The following MYH13 variants were observed in gnomAD, a reference collection of about 807,000 sequenced individuals.
The protein encoded by MYH13 is myosin heavy chain 13.
A neutral mutation model predicts 232.1 loss-of-function variants in MYH13; 177 were observed. The ratio of observed to expected loss-of-function variants is 0.76; its 90% CI spans 0.67 to 0.86. The LOEUF is 0.86. Among genes scored for constraint, MYH13 ranks in the 40% least tolerant of loss-of-function variants. The pLI is 0.00. For synonymous variants in MYH13, 884 were observed against 923.5 expected (o/e 0.96, Z 0.78); for missense variants, 2,246 against 2,405.9 (o/e 0.93, Z 1.39).
At chr17:10,335,518 C>G (rs1403585414) in intron 18 of MYH13, among the ~76,000 whole-genome samples, 1 of 152,080 alleles carries the variant, frequency 6.6e-6, no homozygotes, top group Non-Finnish European at 1.5e-5. Flanking sequence ...TTTGGGAGGC[C>G]GAGGTGGGCG....
chr17:10,320,512 G>C lies in MYH13; in HGVS notation c.3112-16C>G. The C allele has an allele frequency of 1.9e-6, 3 of 1,608,272 alleles. No homozygotes were observed. The highest frequency in any genetic ancestry group is 2.5e-6 in the Non-Finnish European group (3 of 1,177,566). On this transcript the variant is annotated splice_polypyrimidine_tract_variant and intron_variant, in intron 24 of 40. Coordinates refer to ENST00000252172, the MANE Select transcript of MYH13 (RefSeq NM_003802.3). Reference sequence around the variant, plus strand: ...AACCCTCAAGCTGAGAAGACACACAGGTAGAAAATTAAGCCCCTGCTGGGG... The same window carrying C: ...AACCCTCAAGCTGAGAAGACACACACGTAGAAAATTAAGCCCCTGCTGGGG...
intron 3 of MYH13, 35 bp from the exon 4 acceptor site, chr17:10,362,538 G>A (rs777048189): frequency 6.2e-7 from 1 of 1,613,674 alleles, no homozygotes; most frequent in Non-Finnish European, 8.5e-7. Flanking sequence ...TAATAAATTG[G>A]TGAGCCAAGT....
At chr17:10,343,496 G>C (rs2071635720) in intron 16 of MYH13, among the ~76,000 whole-genome samples, 1 of 152,108 alleles carries the variant, frequency 6.6e-6, no homozygotes, top group African/African-American at 2.4e-5. Flanking sequence ...CACCATGCCT[G>C]GCCAAAACCA....
chr17:10,346,334 G>A (rs554598049), intron 13 of MYH13, among the ~76,000 whole-genome samples: 3 of 152,228 alleles, frequency 2.0e-5, no homozygotes, highest in Admixed American at 1.3e-4. Flanking sequence ...ATATAAACTT[G>A]GGAGCTATGG....
chr17:10,315,919 G>A lies in MYH13; in HGVS notation c.3845C>T (p.Ala1282Val). The A allele has an allele frequency of 1.9e-6, 3 of 1,613,940 alleles. No individual in the cohort carries two copies. The highest frequency in any genetic ancestry group is 1.7e-5 in the Admixed American group (1 of 60,014). ...CTCACCATTTTGGGTCTGCAGTCTTGCTTTCTGCATGTTCAGATCATGGAT... is the reference window on the plus strand; with the variant it reads ...CTCACCATTTTGGGTCTGCAGTCTTACTTTCTGCATGTTCAGATCATGGAT... ...QLIHDLNMQKARLQTQNGELS... is the reference protein window; with the variant it reads ...QLIHDLNMQKVRLQTQNGELS... Residue 1282 changes from alanine to valine, a missense_variant, in exon 28 of 41, where the codon GCA (alanine) becomes GTA (valine). Physicochemically the swap from Ala to Val is moderately conservative, Grantham distance 64. Transcript: ENST00000252172.
rs750283118 is a variant in MYH13, at chr17:10,309,243, C to T, written c.5160G>A (p.Leu1720=). 6.2e-7 allele frequency: 1 copy of T among 1,613,178 alleles called. No individual in the cohort carries two copies. The highest frequency in any genetic ancestry group is 1.1e-5 in the South Asian group (1 of 91,038). Residue 1720 remains leucine (L), a synonymous_variant, in exon 35 of 41, where the codon CTG becomes CTA. Transcript: ENST00000252172. ...LLDASDRVQL[L]HSQNTSLINT... The stretch of plus-strand genomic sequence containing the variant: ...GTGAGGGCCGACGCACCTGGGAGTG[C>T]AGGAGCTGCACGCGGTCGCTGGCGT...
At chr17:10,346,951 C>A (rs2071671313) in intron 12 of MYH13, among the ~76,000 whole-genome samples, 153 bp from the exon 13 acceptor site, 1 of 152,194 alleles carries the variant, frequency 6.6e-6, no homozygotes, top group South Asian at 2.1e-4. Flanking sequence ...TTCACTGAAG[C>A]TTTAATCCCA....
rs923489488 is a variant in MYH13, at chr17:10,328,241, C to T, written c.2436-120G>A. ...TCGGTTAGGTGGGAAGGAGGTGCAG[C>T]CAAGCTTGGCAGATCCTCTGGATCC... On this transcript the variant is annotated intron_variant, in intron 21 of 40. Coordinates refer to ENST00000252172, the MANE Select transcript of MYH13 (RefSeq NM_003802.3). 9 of 1,155,830 alleles carry T rather than the reference C, an allele frequency of 7.8e-6. No homozygotes were observed. In the East Asian group the frequency reaches 1.7e-4, roughly 22 times the overall value. The allele number at this position is 1,155,830 out of a possible 1,614,324, so 71.6% of individuals were successfully genotyped here. A position where few individuals can be genotyped will look rare whatever the true frequency, so the allele number is the denominator to read the frequency against.
At chr17:10,319,928 A>G (rs1906870786) in intron 26 of MYH13, among the ~76,000 whole-genome samples, 1 of 152,174 alleles carries the variant, frequency 6.6e-6, no homozygotes, top group African/African-American at 2.4e-5. Flanking sequence ...TAACAATAAT[A>G]TTTAGCTTTA....
chr17:10,300,913 C>T lies in MYH13; in HGVS notation c.*38G>A. The stretch of plus-strand genomic sequence containing the variant: ...TTCTCACACATTTTCCCTCCACTCT[C>T]TCGGAGGTGTCCCATGGCAACGAGC... On this transcript the variant is annotated 3_prime_UTR_variant, in exon 41 of 41. Transcript: ENST00000252172. 2 of 1,607,426 alleles carry T rather than the reference C, an allele frequency of 1.2e-6. No homozygotes were observed. Among genetic ancestry groups the T allele is most frequent in the Non-Finnish European group, 1.7e-6 (2 of 1,175,890 alleles).
At chr17:10,340,719 A>G (rs1293830529) in intron 16 of MYH13, among the ~76,000 whole-genome samples, 3 of 151,870 alleles carry the variant, frequency 2.0e-5, no homozygotes, top group African/African-American at 7.3e-5. Flanking sequence ...AGATTTCACC[A>G]TGTTGGCCAG....
Position 10,320,377 on chromosome 17 carries a change from CT to C in MYH13, c.3230del (p.Lys1077SerfsTer4). On this transcript the variant is annotated frameshift_variant, in exon 25 of 41. Transcript: ENST00000252172. LOFTEE classifies it high-confidence loss of function. ...TTTTCAATTTCTCTTCTATTTGCTG[CT>C]TGTCATTTTCTAGATCCATAATGGA... ...QESIMDLEND[K>X]QQIEEKLKKK... The C allele has an allele frequency of 1.2e-6, 2 of 1,612,372 alleles. No individual in the cohort carries two copies. The highest frequency in any genetic ancestry group is 1.1e-5 in the South Asian group (1 of 90,666).
intron 27 of MYH13, among the ~76,000 whole-genome samples, chr17:10,316,561 C>A (rs1444026271): frequency 6.6e-6 from 1 of 152,138 alleles, no homozygotes; most frequent in East Asian, 1.9e-4. Context: ...TGTAAACAAC[C>A]CTTTGAGAAG....
At chr17:10,372,630 C>G (rs1396214184) in intron 1 of MYH13, among the ~76,000 whole-genome samples, 1 of 152,154 alleles carries the variant, frequency 6.6e-6, no homozygotes, top group African/African-American at 2.4e-5. Context: ...TAAGCAATCA[C>G]AGAAGAGATA....
At chr17:10,339,535 A>G (rs530510497) in intron 18 of MYH13, among the ~76,000 whole-genome samples, 90 of 152,320 alleles carry the variant, frequency 5.9e-4, no homozygotes, top group Non-Finnish European at 9.4e-4. Flanking sequence ...TATTTTGATT[A>G]TGGGATACCC....
intron 1 of MYH13, among the ~76,000 whole-genome samples, chr17:10,371,545 G>C (rs1567675758): frequency 6.6e-6 from 1 of 152,218 alleles, no homozygotes; most frequent in Non-Finnish European, 1.5e-5. Flanking sequence ...GAAGAGGAAA[G>C]TACAGTATCT....
At chr17:10,353,931 AGAAGGAAGGAAG>A (rs10587803) in intron 11 of MYH13, among the ~76,000 whole-genome samples, 11 of 146,168 alleles carry the variant, frequency 7.5e-5, no homozygotes, top group East Asian at 4.0e-4. Context: ...AAGGAAGGAA[AGAAGGAAGGAAG>A]GAAGGAAGGA....
chr17:10,309,085 T>C, intron 35 of MYH13, 149 bp downstream of exon 35: 2 of 698,694 alleles, frequency 2.9e-6, no homozygotes, highest in Non-Finnish European at 4.5e-6. Context: ...TAAAAGAAAA[T>C]TTGTCTTGAC....
chr17:10,355,828 CTTTTTTTTTTTTTTTTTTT>C lies in MYH13; in HGVS notation c.739-700_739-682del, dbSNP rs61338527. 2.7e-4 allele frequency among the ~76,000 whole-genome samples: 18 copies of C among 66,814 alleles called. 1 individual carries two copies. The highest frequency in any genetic ancestry group is 9.3e-4 in the East Asian group (2 of 2,144). 43.8% of individuals were successfully genotyped at this position (66,814 alleles called of 152,430 possible). ...TAACTGGTTGGATTGTTCTGTCTGA[CTTTTTTTTTTTTTTTTTTT>C]TTTTTTTTTTTTTTTTTTTTGCTTG... On this transcript the variant is annotated intron_variant, in intron 8 of 40. Transcript: ENST00000252172.
Sources: gnomAD v4.1 joint callset for allele counts (sites outside exome capture counted in the v4.1 genomes callset) on GRCh38, gnomAD v4.1.1 for gene constraint, MANE v1.5 for transcripts, NCBI Gene and HGNC (gene_info 2026-07-23, HGNC 2026-07-21) for gene names.